Variants in OR8B3 observed in about 807,000 individuals in gnomAD.
The protein encoded by OR8B3 is olfactory receptor 8B3.
For missense variants in OR8B3, 278 were observed against 377.6 expected, an observed-to-expected ratio of 0.74 and a Z score of 2.19; for synonymous variants, 102 against 135.4, an observed-to-expected ratio of 0.75 and a Z score of 1.71.
chr11:124,408,963 C>T, the OR8B3 span, among the ~76,000 whole-genome samples: 3 of 152,180 alleles, frequency 2.0e-5, no homozygotes, highest in Non-Finnish European at 4.4e-5. Context: ...AGGAGCAGTA[C>T]CTCTGCTGCT....
At chr11:124,402,605 A>T (rs912979079), upstream of OR8B3, among the ~76,000 whole-genome samples, 10 of 152,172 alleles carry the variant, frequency 6.6e-5, no homozygotes, top group Admixed American at 5.2e-4. Flanking sequence ...GGATGCTGCA[A>T]ATCTTTGTTT....
upstream of OR8B3, among the ~76,000 whole-genome samples, chr11:124,402,983 G>A (rs562020706): frequency 2.0e-5 from 3 of 152,256 alleles, no homozygotes; most frequent in African/African-American, 2.4e-5. Flanking sequence ...GCGGCCTTCC[G>A]CAGTGTTTGT....
the OR8B3 span, among the ~76,000 whole-genome samples, chr11:124,405,725 A>G: frequency 1.3e-5 from 2 of 152,194 alleles, no homozygotes; most frequent in Non-Finnish European, 2.9e-5. Context: ...TTGAATGGGA[A>G]TTTGTTTCAC....
chr11:124,396,642 G>T lies in OR8B3; in HGVS notation c.710C>A (p.Ala237Asp). The stretch of plus-strand genomic sequence containing the variant: ...GACATGAGAGCTACAAGTACTGAAG[G>T]CTTTTGATCTTCCTTGAGTGGATTT... ...HIKSTQGRSK[A>D]FSTCSSHVIA... The change falls in exon 2 of 2, where the codon GCC becomes GAC. Residue 237 changes from alanine (A) to aspartate (D), a missense_variant. Transcript: ENST00000641139. 8.7e-6 allele frequency: 14 copies of T among 1,611,234 alleles called. No homozygotes were observed. Among genetic ancestry groups the T allele is most frequent in the South Asian group, 1.1e-5 (1 of 90,518 alleles).
chr11:124,402,599 G>C (rs1861012164), upstream of OR8B3, among the ~76,000 whole-genome samples: 1 of 152,154 alleles, frequency 6.6e-6, no homozygotes, highest in African/African-American at 2.4e-5. Flanking sequence ...AGTCATGGAT[G>C]CTGCAAATCT....
chr11:124,409,452 G>A, the OR8B3 span, among the ~76,000 whole-genome samples: 14 of 152,270 alleles, frequency 9.2e-5, no homozygotes, highest in African/African-American at 3.4e-4. Flanking sequence ...GTTAATAAAA[G>A]AGCTTAGCAT....
intron 1 of OR8B3, 64 bp from the exon 2 acceptor site, chr11:124,397,432 A>G (rs1156687855): frequency 1.4e-6 from 1 of 716,578 alleles, no homozygotes; most frequent in East Asian, 2.7e-5. Flanking sequence ...CTCATTAATG[A>G]GGAGGGGACT....
upstream of OR8B3, among the ~76,000 whole-genome samples, chr11:124,400,524 C>A (rs1860977876): frequency 6.6e-6 from 1 of 151,684 alleles, no homozygotes; most frequent in Non-Finnish European, 1.5e-5. Context: ...TGTTTTTTTT[C>A]TTTTTATTAT....
chr11:124,408,185 A>T, the OR8B3 span, among the ~76,000 whole-genome samples: 2 of 152,182 alleles, frequency 1.3e-5, no homozygotes, highest in South Asian at 2.1e-4. Context: ...TGTAATTTTT[A>T]AAATAATTTT....
At position 124,397,220 on chromosome 11, in the gene OR8B3, G is replaced by C. The variant is rs1000166192; in HGVS notation, c.132C>G (p.Gly44=). The C allele has an allele frequency of 1.9e-6, 3 of 1,609,310 alleles. No individual in the cohort carries two copies. Among genetic ancestry groups the C allele is most frequent in the Non-Finnish European group, 2.5e-6 (3 of 1,179,404 alleles). ...VYIVTMVGNL[G]LIILFGLNSH... ...AATTTAGACCGAAAAGAATGATCAA[G>C]CCAAGGTTGCCTACCATGGTGACAA... The change falls in exon 2 of 2, where the codon GGC becomes GGG. Residue 44 remains glycine, a synonymous_variant. Coordinates refer to ENST00000641139, the MANE Select transcript of OR8B3 (RefSeq NM_001005467.2).
At chr11:124,399,676 T>A (rs1426740088), upstream of OR8B3, among the ~76,000 whole-genome samples, 1 of 152,204 alleles carries the variant, frequency 6.6e-6, no homozygotes, top group Admixed American at 6.5e-5. Flanking sequence ...CCTTGAACTC[T>A]TCACCCAGTT....
rs572648577 is a variant in OR8B3, at chr11:124,397,525, T to A, written c.-17-157A>T. On this transcript the variant is annotated intron_variant, in intron 1 of 1. Transcript: ENST00000641139. ...TACTGCCACTCCCACTCCTCAACATTTCAGTCAGTGTCTTTTGTCTGTACA... is the reference window on the plus strand; with the variant it reads ...TACTGCCACTCCCACTCCTCAACATATCAGTCAGTGTCTTTTGTCTGTACA... 2.0e-3 allele frequency among the ~76,000 whole-genome samples: 294 copies of A among 150,426 alleles called. 1 individual carries two copies. Among genetic ancestry groups the A allele is most frequent in the Non-Finnish European group, 3.1e-3 (207 of 67,798 alleles).
At position 124,397,048 on chromosome 11, in the gene OR8B3, A is replaced by G; in HGVS notation, c.304T>C (p.Phe102Leu). The G allele has an allele frequency of 6.2e-7, 1 of 1,613,898 alleles. No homozygotes were observed. Among genetic ancestry groups the G allele is most frequent in the Non-Finnish European group, 8.5e-7 (1 of 1,179,872 alleles). ...ISYVGCMTQL[F>L]FFLFFVISEC... ...GAGATGACAAAAAAGAGAAAGAAAAACAGCTGAGTCATGCACCCAACATAG... is the reference window on the plus strand; with the variant it reads ...GAGATGACAAAAAAGAGAAAGAAAAGCAGCTGAGTCATGCACCCAACATAG... Residue 102 changes from phenylalanine (F) to leucine (L), a missense_variant, in exon 2 of 2, where the codon TTT (phenylalanine) becomes CTT (leucine). By Grantham distance (22) the Phe-to-Leu change is conservative. Transcript: ENST00000641139.
upstream of OR8B3, among the ~76,000 whole-genome samples, chr11:124,403,675 G>C (rs1423883400): frequency 6.6e-6 from 1 of 152,152 alleles, no homozygotes; most frequent in African/African-American, 2.4e-5. Flanking sequence ...ACGATGGGCG[G>C]CCAGGCAGAG....
At position 124,396,766 on chromosome 11, in the gene OR8B3, C is replaced by T. The variant is rs745428182; in HGVS notation, c.586G>A (p.Glu196Lys). ...CCCACAACAATGAGAACAACCACCT[C>T]GTTGACATAGGTGCTGGTGCAGGAA... ...QLSCTSTYVN[E>K]VVVLIVVGIN... Residue 196 changes from glutamate (E) to lysine (K), a missense_variant, in exon 2 of 2, where the codon GAG becomes AAG. Transcript: ENST00000641139. The T allele has an allele frequency of 1.1e-5, 18 of 1,613,694 alleles. No homozygotes were observed. Among genetic ancestry groups the T allele is most frequent in the Non-Finnish European group, 1.4e-5 (17 of 1,179,834 alleles).
chr11:124,403,571 C>T (rs1445870815), upstream of OR8B3, among the ~76,000 whole-genome samples: 5 of 151,508 alleles, frequency 3.3e-5, no homozygotes, highest in African/African-American at 7.3e-5. Context: ...CGGGCAGAGA[C>T]GATCCTCACT....
At chr11:124,407,532 G>A in the OR8B3 span, among the ~76,000 whole-genome samples, 1 of 152,014 alleles carries the variant, frequency 6.6e-6, no homozygotes, top group Admixed American at 6.6e-5. Context: ...TATAGCTTCA[G>A]TGTTCACCTA....
At position 124,398,951 on chromosome 11, in the gene OR8B3, C is replaced by T. The variant is rs1290539085; in HGVS notation, c.-279G>A. The T allele has an allele frequency of 1.3e-5, 2 of 152,084 alleles. No homozygotes were observed. Among genetic ancestry groups the T allele is most frequent in the African/African-American group, 4.8e-5 (2 of 41,402 alleles). 9.4% of individuals were successfully genotyped at this position (152,084 alleles called of 1,614,324 possible). On this transcript the variant is annotated 5_prime_UTR_variant, in exon 1 of 2. It removes an upstream start codon present in the reference 5' UTR. Transcript: ENST00000641139. ...AAACTGCACTTCAAACCAGAGCTACCATGTCATAGAGCACATGGCATTTGC... is the reference window on the plus strand; with the variant it reads ...AAACTGCACTTCAAACCAGAGCTACTATGTCATAGAGCACATGGCATTTGC...
the OR8B3 span, among the ~76,000 whole-genome samples, chr11:124,409,363 T>G: frequency 6.6e-6 from 1 of 152,228 alleles, no homozygotes; most frequent in Non-Finnish European, 1.5e-5. Flanking sequence ...TTTTGCAACT[T>G]GGGCAAAAGC....
Sources: allele counts gnomAD v4.1 joint callset (sites outside exome capture counted in the v4.1 genomes callset), GRCh38; gene constraint gnomAD v4.1.1; transcripts MANE v1.5; gene names NCBI Gene and HGNC (gene_info 2026-07-23, HGNC 2026-07-21).